The following KMT2A variants were observed in gnomAD, a reference collection of about 807,000 sequenced individuals.
KMT2A encodes lysine methyltransferase 2A, also known as histone-lysine N-methyltransferase 2A.
In KMT2A, 16 loss-of-function variants were observed where a neutral mutation model predicts 345.3. The observed-to-expected ratio is 0.05, with a 90% confidence interval of 0.03 to 0.07. KMT2A has a LOEUF of 0.07. KMT2A is among the 10% of genes least tolerant of loss of function. KMT2A has a pLI of 1.00. For synonymous variants in KMT2A, 1,599 were observed against 1,778.6 expected (o/e 0.90, Z 2.54); for missense variants, 3,272 against 4,841.6 (o/e 0.68, Z 9.62).
intron 1 of KMT2A, among the ~76,000 whole-genome samples, chr11:118,444,930 A>G (rs1437886091): frequency 2.6e-5 from 4 of 152,186 alleles, no homozygotes; most frequent in African/African-American, 9.6e-5. Flanking sequence ...ACTGAGAGGT[A>G]CTCATGCTTC....
At position 118,505,064 on chromosome 11, in the gene KMT2A, G is replaced by A; in HGVS notation, c.9172G>A (p.Gly3058Ser). ...KYVPNSTDSP[G>S]PSQISNAAVQ... ...TGTGCCCAATTCTACTGATAGTCCT[G>A]GCCCGTCTCAGATTTCCAATGCAGC... is the stretch of plus-strand genomic sequence containing the variant. The change falls in exon 27 of 36, where the codon GGC becomes AGC. Residue 3058 changes from glycine to serine, a missense_variant. Physicochemically the swap from Gly to Ser is moderately conservative, Grantham distance 56. This residue lies in a region of KMT2A where 748 missense variants were observed against 922.2 expected (regional missense o/e 0.81). Transcript: ENST00000534358. The surrounding 1 kb of genome is among the most constrained non-coding windows in gnomAD (Gnocchi z 4.6). The A allele has an allele frequency of 1.2e-6, 2 of 1,614,042 alleles. No individual in the cohort carries two copies. The highest frequency in any genetic ancestry group is 1.1e-5 in the South Asian group (1 of 91,068).
At chr11:118,499,227 C>A in intron 22 of KMT2A, 76 bp from the exon 23 acceptor site, 1 of 924,688 alleles carries the variant, frequency 1.1e-6, no homozygotes, top group Non-Finnish European at 1.8e-6. Context: ...GTGCCTTCCA[C>A]TCTGAGACAG....
intron 1 of KMT2A, among the ~76,000 whole-genome samples, chr11:118,445,330 A>C (rs1448623842): frequency 2.0e-5 from 3 of 152,210 alleles, no homozygotes; most frequent in Admixed American, 6.5e-5. Context: ...ACCGAGGAAC[A>C]CAGTGCCTCC....
In KMT2A at chr11:118,510,191, A is replaced by G; in HGVS notation, c.11071+73A>G. The G allele has an allele frequency of 1.6e-6, 2 of 1,257,536 alleles. No individual in the cohort carries two copies. The highest frequency in any genetic ancestry group is 2.2e-5 in the Admixed American group (1 of 44,964). The allele number at this position is 1,257,536 out of a possible 1,614,324, so 77.9% of individuals were successfully genotyped here. ...GCTAGAGCTTCATTTTCTGAGTATT[A>G]GCACCATTTAGGTGGCTGTTTTATG... On this transcript the variant is annotated intron_variant, in intron 30 of 35. Transcript: ENST00000534358. This position sits in a 1 kb window ranked among gnomAD's most constrained non-coding sequence, Gnocchi z 4.1.
chr11:118,450,411 G>T (rs1286388140), intron 1 of KMT2A: 3 of 152,148 alleles, frequency 2.0e-5, no homozygotes, highest in Non-Finnish European at 2.9e-5. Flanking sequence ...GCTGTTTTCA[G>T]CATCTTTGCT....
At chr11:118,461,770 T>A (rs1949747964) in intron 1 of KMT2A, among the ~76,000 whole-genome samples, 1 of 152,208 alleles carries the variant, frequency 6.6e-6, no homozygotes, top group Non-Finnish European at 1.5e-5. Flanking sequence ...GTCTTTTTTA[T>A]ACACATATTA....
In KMT2A at chr11:118,523,649, G is replaced by A. The variant is rs555893489; in HGVS notation, c.*1477G>A. ...ATGACAAGGCTATTTTTTAAACCGC[G>A]GTATTATCCTAATTTAAAAGAAGAT... On this transcript the variant is annotated 3_prime_UTR_variant, in exon 36 of 36. Transcript: ENST00000534358. The A allele has an allele frequency of 2.1e-4, 47 of 227,540 alleles. No homozygotes were observed. The highest frequency in any genetic ancestry group is 1.4e-4 in the Non-Finnish European group (16 of 114,446). The allele number at this position is 227,540 out of a possible 1,614,324, so 14.1% of individuals were successfully genotyped here. A position where few individuals can be genotyped will look rare whatever the true frequency, so the allele number is the denominator to read the frequency against.
intron 1 of KMT2A, among the ~76,000 whole-genome samples, chr11:118,460,288 T>C (rs553029743): frequency 2.6e-5 from 4 of 152,212 alleles, no homozygotes; most frequent in East Asian, 3.9e-4. Flanking sequence ...GAAGGAAGAA[T>C]AGACTTTTTC....
chr11:118,506,210 A>G lies in KMT2A; in HGVS notation c.10318A>G (p.Ile3440Val), dbSNP rs117099452. 3,783 of 1,614,190 alleles carry G rather than the reference A, an allele frequency of 2.3e-3. 6 individuals are homozygous for G. Among genetic ancestry groups the G allele is most frequent in the Non-Finnish European group, 2.8e-3 (3,315 of 1,180,030 alleles). ...GCTCCCCTCCACTCAGACTACGGGCATAACAGCCGCTTCACCTTCTGGGGA... is the reference window on the plus strand; with the variant it reads ...GCTCCCCTCCACTCAGACTACGGGCGTAACAGCCGCTTCACCTTCTGGGGA... ...CVLPSTQTTG[I>V]TAASPSGEAD... The change falls in exon 27 of 36, where the codon ATA (isoleucine) becomes GTA (valine). Residue 3440 changes from isoleucine to valine, a missense_variant. By Grantham distance (29) the Ile-to-Val change is conservative (BLOSUM62 3). Around this residue, in one of 27 missense-constraint regions of KMT2A, gnomAD observed 748 missense variants for 922.2 expected, o/e 0.81. Coordinates refer to ENST00000534358, the MANE Select transcript of KMT2A (RefSeq NM_001197104.2).
At chr11:118,454,142 TAA>T (rs1270486298) in intron 1 of KMT2A, among the ~76,000 whole-genome samples, 2 of 152,072 alleles carry the variant, frequency 1.3e-5, no homozygotes, top group African/African-American at 4.8e-5. Context: ...ATTACCTCAC[TAA>T]AGTTTGTTTC....
rs975799272 is a variant in KMT2A, at chr11:118,504,836, C to A, written c.8944C>A (p.Pro2982Thr). 2 of 1,614,076 alleles carry A rather than the reference C, an allele frequency of 1.2e-6. No homozygotes were observed. Among genetic ancestry groups the A allele is most frequent in the Non-Finnish European group, 1.7e-6 (2 of 1,180,000 alleles). Residue 2982 changes from proline to threonine, a missense_variant, in exon 27 of 36, where the codon CCA becomes ACA. By Grantham distance (38) the Pro-to-Thr change is conservative. Around this residue, in one of 27 missense-constraint regions of KMT2A, gnomAD observed 748 missense variants for 922.2 expected, o/e 0.81. Transcript: ENST00000534358. This position sits in a 1 kb window ranked among gnomAD's most constrained non-coding sequence, Gnocchi z 6.4. ...SSESDPALLS[P>T]GVDPTPEGHM... ...TGAAAGTGACCCAGCACTGCTGAGC[C>A]CAGGAGTAGATCCAACTCCTGAAGG... is the stretch of plus-strand genomic sequence containing the variant.
chr11:118,465,210 C>T (rs2134239787), intron 1 of KMT2A, among the ~76,000 whole-genome samples: 1 of 152,164 alleles, frequency 6.6e-6, no homozygotes, highest in East Asian at 1.9e-4. Flanking sequence ...TGCACTATAG[C>T]TAGGTGACAG....
chr11:118,501,943 A>G, intron 26 of KMT2A, 86 bp downstream of exon 26: 1 of 1,153,506 alleles, frequency 8.7e-7, no homozygotes, highest in Non-Finnish European at 1.2e-6. Flanking sequence ...TATCTTGGTG[A>G]CTTTTACTGA....
chr11:118,502,962 C>G lies in KMT2A; in HGVS notation c.7070C>G (p.Pro2357Arg), dbSNP rs9332838. Residue 2357 changes from proline to arginine, a missense_variant, in exon 27 of 36, where the codon CCC becomes CGC. Transcript: ENST00000534358. The surrounding 1 kb of genome is among the most constrained non-coding windows in gnomAD (Gnocchi z 4.9). ...AGTAAAATCGGCTCCTTTGCTGAACCCTCTTCAGTGTCGTTTTCTTCTAAA... is the reference window on the plus strand; with the variant it reads ...AGTAAAATCGGCTCCTTTGCTGAACGCTCTTCAGTGTCGTTTTCTTCTAAA... ...NVSKIGSFAE[P>R]SSVSFSSKEA... 2.5e-4 allele frequency: 404 copies of G among 1,614,114 alleles called. 1 individual carries two copies. In the East Asian group the frequency reaches 5.0e-3, roughly 20 times the overall value.
chr11:118,446,126 A>C (rs1247069831), intron 1 of KMT2A, among the ~76,000 whole-genome samples: 4 of 152,010 alleles, frequency 2.6e-5, no homozygotes, highest in Non-Finnish European at 5.9e-5. Context: ...AGGCAGGCAG[A>C]TCACTTGAGG....
chr11:118,475,329 G>A (rs1269926980), intron 3 of KMT2A, among the ~76,000 whole-genome samples: 2 of 152,022 alleles, frequency 1.3e-5, no homozygotes, highest in African/African-American at 4.8e-5. Flanking sequence ...TCTGAGAAAA[G>A]TTGCTGATCT....
At chr11:118,482,388 A>G in intron 7 of KMT2A, 34 bp from the exon 8 acceptor site, 2 of 1,503,894 alleles carry the variant, frequency 1.3e-6, no homozygotes, top group Non-Finnish European at 1.8e-6. Flanking sequence ...AGTCGTTGCC[A>G]GCATCTGACT....
chr11:118,508,009 G>A (rs1445582027), intron 28 of KMT2A, among the ~76,000 whole-genome samples: 1 of 152,120 alleles, frequency 6.6e-6, no homozygotes, highest in African/African-American at 2.4e-5. Flanking sequence ...ATTGATTTTT[G>A]TTTTCTTGCC....
intron 24 of KMT2A, among the ~76,000 whole-genome samples, chr11:118,500,438 A>G (rs974724370): frequency 1.3e-5 from 2 of 152,216 alleles, no homozygotes; most frequent in African/African-American, 4.8e-5. Context: ...TCATTTTGCA[A>G]TATATGCTCC....
Sources: gnomAD v4.1 joint callset for allele counts (sites outside exome capture counted in the v4.1 genomes callset) on GRCh38, gnomAD v4.1.1 for gene constraint, gnomAD v4.1.1 regional missense constraint, Gnocchi (gnomAD v3.1) non-coding constraint, MANE v1.5 for transcripts, NCBI Gene and HGNC (gene_info 2026-07-23, HGNC 2026-07-21) for gene names.